The following RIN3 variants were observed in gnomAD, a reference collection of about 807,000 sequenced individuals.
RIN3 encodes the protein RAB5 interacting protein 3.
A neutral mutation model predicts 76.3 loss-of-function variants in RIN3; 54 were observed. That is an observed-to-expected ratio of 0.71 (90% confidence interval 0.57 to 0.89). The LOEUF (loss-of-function observed/expected upper bound fraction) is 0.89. Ranked by LOEUF, RIN3 falls within the 40% of genes least tolerant of loss-of-function variation. The pLI, the probability that RIN3 is intolerant of heterozygous loss-of-function variation, is 0.00. For synonymous variants in RIN3, 576 were observed against 564.0 expected (o/e 1.02, Z -0.30); for missense variants, 1,256 against 1,322.1 (o/e 0.95, Z 0.78).
intron 1 of RIN3, among the ~76,000 whole-genome samples, chr14:92,520,176 C>G (rs1395236939): frequency 6.6e-6 from 1 of 152,252 alleles, no homozygotes; most frequent in Non-Finnish European, 1.5e-5. Context: ...TGTCGGTTCT[C>G]TTTTTAGCAG....
chr14:92,630,037 C>G (rs568694766), intron 4 of RIN3, among the ~76,000 whole-genome samples: 1 of 152,310 alleles, frequency 6.6e-6, no homozygotes, highest in South Asian at 2.1e-4. Context: ...GTGTTTGGCA[C>G]ATGTTAGGTG....
chr14:92,624,685 G>A (rs550947966), intron 4 of RIN3, among the ~76,000 whole-genome samples: 1 of 152,216 alleles, frequency 6.6e-6, no homozygotes, highest in Non-Finnish European at 1.5e-5. Context: ...CGAAGGTAAT[G>A]GTCTGGGGTG....
chr14:92,543,939 C>G (rs1375798461), intron 1 of RIN3, among the ~76,000 whole-genome samples: 2 of 152,158 alleles, frequency 1.3e-5, no homozygotes, highest in African/African-American at 4.8e-5. Flanking sequence ...CCTCCCTGCC[C>G]TGTGGGAATT....
Position 92,688,121 on chromosome 14 carries a change from A to C in RIN3, c.2827A>C (p.Ile943Leu), listed in dbSNP as rs1218704207. The C allele has an allele frequency of 3.7e-6, 6 of 1,609,616 alleles. No homozygotes were observed. The Admixed American group carries it at 8.4e-5, about 22-fold the overall frequency. Residue 943 changes from isoleucine to leucine, a missense_variant, in exon 10 of 10, where the codon ATC becomes CTC. Physicochemically the swap from Ile to Leu is conservative, Grantham distance 5 (BLOSUM62 2). Coordinates refer to ENST00000216487, the MANE Select transcript of RIN3 (RefSeq NM_024832.5). ...QLADDALPHC[I>L]KGYLLRSEPK... ...GGCGGACGACGCGCTGCCGCACTGC[A>C]TCAAGGGCTACCTGCTGCGCAGCGA...
chr14:92,659,326 C>T lies in RIN3; in HGVS notation c.2192C>T (p.Thr731Ile), dbSNP rs1242024439. The change falls in exon 7 of 10, where the codon ACC becomes ATC. Residue 731 changes from threonine (T) to isoleucine (I), a missense_variant. Physicochemically the swap from Thr to Ile is moderately conservative, Grantham distance 89 (BLOSUM62 -1). This residue lies in a region of RIN3 where 428 missense variants were observed against 521.2 expected (regional missense o/e 0.82). Coordinates refer to ENST00000216487, the MANE Select transcript of RIN3 (RefSeq NM_024832.5). ...ACCACCACTGACCTAGGTGTGACCA[C>T]CAGCGTGCCGGAGGTGCCCATGATG... The part of the protein sequence containing the change: ...ATTTTDLGVT[T>I]SVPEVPMMEK... 14 of 1,612,668 alleles carry T rather than the reference C, an allele frequency of 8.7e-6. No individual in the cohort carries two copies. Among genetic ancestry groups the T allele is most frequent in the Non-Finnish European group, 1.1e-5 (13 of 1,179,226 alleles).
intron 3 of RIN3, among the ~76,000 whole-genome samples, chr14:92,611,639 A>C (rs1214152608): frequency 5.3e-5 from 8 of 152,210 alleles, no homozygotes; most frequent in Non-Finnish European, 7.3e-5. Flanking sequence ...TTACATCTAC[A>C]AAGAATCTAT....
chr14:92,662,125 G>A lies in RIN3; in HGVS notation c.2335+2656G>A, dbSNP rs771192941. 3.3e-5 allele frequency among the ~76,000 whole-genome samples: 5 copies of A among 152,326 alleles called. No homozygotes were observed. In the South Asian group the frequency reaches 6.2e-4, roughly 19 times the overall value. On this transcript the variant is annotated intron_variant, in intron 7 of 9. Transcript: ENST00000216487. Reference sequence around the variant, plus strand: ...AAGAGTCGAGTATGCCCTGCCAGGCGACATGAGGCGGAGGGTTAAGACCCC... The same window carrying A: ...AAGAGTCGAGTATGCCCTGCCAGGCAACATGAGGCGGAGGGTTAAGACCCC...
At chr14:92,585,220 G>A (rs947031112) in intron 3 of RIN3, among the ~76,000 whole-genome samples, 19 of 151,946 alleles carry the variant, frequency 1.3e-4, no homozygotes, top group African/African-American at 2.7e-4. Context: ...TGTGTTGTCC[G>A]GGCTGGTCTC....
chr14:92,620,793 T>C (rs1886148803), intron 4 of RIN3, among the ~76,000 whole-genome samples: 1 of 152,182 alleles, frequency 6.6e-6, no homozygotes, highest in Non-Finnish European at 1.5e-5. Flanking sequence ...AATATTTTAA[T>C]CCTGACACGT....
intron 2 of RIN3, among the ~76,000 whole-genome samples, chr14:92,563,061 G>A (rs1224639995): frequency 2.0e-5 from 3 of 152,088 alleles, no homozygotes; most frequent in Non-Finnish European, 4.4e-5. Context: ...GTATTAGTTT[G>A]GTAAAAACCT....
chr14:92,582,684 C>G (rs1884599443), intron 3 of RIN3, among the ~76,000 whole-genome samples: 1 of 152,094 alleles, frequency 6.6e-6, no homozygotes, highest in Non-Finnish European at 1.5e-5. Context: ...AACTCCTGAC[C>G]TCAGGTAATC....
chr14:92,627,695 G>A (rs1399245037), intron 4 of RIN3, among the ~76,000 whole-genome samples: 3 of 151,936 alleles, frequency 2.0e-5, no homozygotes, highest in African/African-American at 7.3e-5. Context: ...AGTGGGTGGG[G>A]TCCCAATCTC....
chr14:92,602,696 G>A (rs1001782925), intron 3 of RIN3, among the ~76,000 whole-genome samples: 3 of 152,120 alleles, frequency 2.0e-5, no homozygotes, highest in Non-Finnish European at 2.9e-5. Flanking sequence ...TCGAATTTAC[G>A]CAAAGCCCAG....
At chr14:92,515,386 T>C (rs1348242851) in intron 1 of RIN3, 2 of 585,028 alleles carry the variant, frequency 3.4e-6, no homozygotes, top group Admixed American at 6.3e-5. Flanking sequence ...CACCGGCTTC[T>C]CATTTTCCCC....
chr14:92,683,512 GA>G (rs1228652265), intron 8 of RIN3, among the ~76,000 whole-genome samples: 1 of 152,178 alleles, frequency 6.6e-6, no homozygotes, highest in African/African-American at 2.4e-5. Context: ...AAAAGTTCAT[GA>G]AAATTTTGCA....
chr14:92,555,026 C>T (rs78598707), intron 1 of RIN3, among the ~76,000 whole-genome samples: 1,789 of 152,292 alleles, frequency 0.012, 44 homozygotes, highest in African/African-American at 0.04. Flanking sequence ...TTTGTGCTTA[C>T]AGCACTTGTC....
At chr14:92,647,685 G>A (rs1411608930) in intron 5 of RIN3, among the ~76,000 whole-genome samples, 6 of 152,106 alleles carry the variant, frequency 3.9e-5, no homozygotes, top group South Asian at 2.1e-4. Context: ...TAGTGTTTCC[G>A]TGGCATCTGG....
At chr14:92,634,766 G>T (rs1444983280) in intron 4 of RIN3, among the ~76,000 whole-genome samples, 8 of 151,546 alleles carry the variant, frequency 5.3e-5, no homozygotes, top group African/African-American at 1.9e-4. Flanking sequence ...GTTGAAGCAG[G>T]AGAATTGCTT....
At chr14:92,539,989 T>C (rs1278504430) in intron 1 of RIN3, among the ~76,000 whole-genome samples, 1 of 152,168 alleles carries the variant, frequency 6.6e-6, no homozygotes, top group Non-Finnish European at 1.5e-5. Context: ...CCTCCACACG[T>C]TGGGGTCAGT....
Sources: gnomAD v4.1 joint callset for allele counts (sites outside exome capture counted in the v4.1 genomes callset) on GRCh38, gnomAD v4.1.1 for gene constraint, gnomAD v4.1.1 regional missense constraint, MANE v1.5 for transcripts, NCBI Gene and HGNC (gene_info 2026-07-23, HGNC 2026-07-21) for gene names.